The following SCMH1 variants were observed in gnomAD, a reference collection of about 807,000 sequenced individuals.
SCMH1 encodes polycomb protein SCMH1.
Under a neutral mutation model 70.8 loss-of-function variants are expected in SCMH1, and 37 were observed. That is an observed-to-expected ratio of 0.52 (90% CI 0.40 to 0.69). SCMH1 has a LOEUF of 0.69. Among genes scored for constraint, SCMH1 ranks in the 30% least tolerant of loss-of-function variants. The pLI is 0.00. For missense variants in SCMH1, 607 were observed against 827.3 expected (o/e 0.73, Z 3.27); for synonymous variants, 292 against 307.4 (o/e 0.95, Z 0.52).
intron 13 of SCMH1, among the ~76,000 whole-genome samples, chr1:41,032,377 T>C (rs1644650124): frequency 6.6e-6 from 1 of 152,116 alleles, no homozygotes; most frequent in Non-Finnish European, 1.5e-5. Flanking sequence ...GCAAAGACCT[T>C]GAGGCAGAAG....
At chr1:41,086,610 T>TA (rs762884119) in intron 8 of SCMH1, among the ~76,000 whole-genome samples, 16 of 151,660 alleles carry the variant, frequency 1.1e-4, no homozygotes, top group Non-Finnish European at 1.6e-4. Flanking sequence ...TTGTATGTAT[T>TA]AAAAAAAACC....
At chr1:41,193,922 G>T (rs1180949752) in intron 1 of SCMH1, among the ~76,000 whole-genome samples, 1 of 152,062 alleles carries the variant, frequency 6.6e-6, no homozygotes, top group Non-Finnish European at 1.5e-5. Flanking sequence ...CTTTTTCATA[G>T]ACTTTTATAT....
intron 1 of SCMH1, among the ~76,000 whole-genome samples, chr1:41,202,027 A>G (rs993071458): frequency 1.3e-5 from 2 of 152,052 alleles, no homozygotes; most frequent in Non-Finnish European, 2.9e-5. Flanking sequence ...ACCAAAGTTT[A>G]TGGTTATTTA....
At chr1:41,066,690 C>T (rs926620259) in intron 10 of SCMH1, among the ~76,000 whole-genome samples, 1 of 152,154 alleles carries the variant, frequency 6.6e-6, no homozygotes, top group African/African-American at 2.4e-5. Context: ...TCAAGTGATC[C>T]TCCCACCTCA....
chr1:41,234,270 T>C (rs1661878677), intron 1 of SCMH1, among the ~76,000 whole-genome samples: 1 of 152,062 alleles, frequency 6.6e-6, no homozygotes, highest in Non-Finnish European at 1.5e-5. Flanking sequence ...CCCTGTTTTT[T>C]TTCTTTCTGC....
intron 1 of SCMH1, among the ~76,000 whole-genome samples, chr1:41,240,404 A>G (rs950781990): frequency 3.3e-5 from 5 of 152,326 alleles, no homozygotes; most frequent in Admixed American, 2.0e-4. Flanking sequence ...TTGGTAAGTA[A>G]GCAACAAAAA....
At chr1:41,172,782 C>G (rs960718858) in intron 2 of SCMH1, among the ~76,000 whole-genome samples, 2 of 152,050 alleles carry the variant, frequency 1.3e-5, no homozygotes, top group Non-Finnish European at 2.9e-5. Context: ...CAAATAAATC[C>G]ATGTATTTAC....
At chr1:41,213,154 T>G (rs1657398605) in intron 1 of SCMH1, among the ~76,000 whole-genome samples, 1 of 152,184 alleles carries the variant, frequency 6.6e-6, no homozygotes, top group Non-Finnish European at 1.5e-5. Flanking sequence ...TACAAATATT[T>G]GAAACATACT....
At chr1:41,087,160 C>A (rs1208674770) in intron 8 of SCMH1, among the ~76,000 whole-genome samples, 6 of 152,022 alleles carry the variant, frequency 3.9e-5, no homozygotes, top group Non-Finnish European at 5.9e-5. Flanking sequence ...GATAGTGGAA[C>A]AATGGATGGC....
chr1:41,107,016 CTTTTT>C (rs879613092), intron 8 of SCMH1, among the ~76,000 whole-genome samples: 3 of 145,246 alleles, frequency 2.1e-5, no homozygotes, highest in African/African-American at 7.6e-5. Context: ...CTTGACCATA[CTTTTT>C]TTTTTTTTTA....
At position 41,160,855 on chromosome 1, in the gene SCMH1, A is replaced by T. The variant is rs1369399267; in HGVS notation, c.106+20T>A. ...TACCAATTCCCCTTATTTAACAGAA[A>T]CACAAGAAAAATAGCTTACCTAGAT... On this transcript the variant is annotated intron_variant, in intron 4 of 14. Coordinates refer to ENST00000337495, the Ensembl canonical transcript of SCMH1. The T allele has an allele frequency of 7.1e-6, 11 of 1,549,106 alleles. No homozygotes were observed. Among genetic ancestry groups the T allele is most frequent in the Non-Finnish European group, 8.7e-6 (10 of 1,145,772 alleles).
intron 4 of SCMH1, among the ~76,000 whole-genome samples, chr1:41,156,953 C>CTTTTT (rs66641047): frequency 2.7e-5 from 3 of 110,826 alleles, no homozygotes; most frequent in Non-Finnish European, 5.3e-5. Flanking sequence ...TATAAGCCAA[C>CTTTTT]TTTTTTTTTT....
intron 10 of SCMH1, among the ~76,000 whole-genome samples, chr1:41,056,843 T>G (rs1650487341): frequency 6.6e-6 from 1 of 152,182 alleles, no homozygotes; most frequent in Non-Finnish European, 1.5e-5. Flanking sequence ...CTCAACCGGA[T>G]TCTCACAGTA....
At chr1:41,203,599 T>C (rs1344386127) in intron 1 of SCMH1, among the ~76,000 whole-genome samples, 1 of 152,236 alleles carries the variant, frequency 6.6e-6, no homozygotes, top group African/African-American at 2.4e-5. Context: ...GACTTGTTCA[T>C]GATGGCCATA....
At chr1:41,063,849 G>A (rs1393878699) in intron 10 of SCMH1, among the ~76,000 whole-genome samples, 1 of 152,176 alleles carries the variant, frequency 6.6e-6, no homozygotes, top group African/African-American at 2.4e-5. Flanking sequence ...AAAAAGGAAA[G>A]TACCAGGCTT....
intron 1 of SCMH1, among the ~76,000 whole-genome samples, chr1:41,189,938 T>G (rs545572781): frequency 1.3e-5 from 2 of 152,232 alleles, no homozygotes; most frequent in African/African-American, 2.4e-5. Flanking sequence ...TTCTGGCTCA[T>G]GCTTCTTGAA....
At chr1:41,104,708 C>G (rs911163859) in intron 8 of SCMH1, among the ~76,000 whole-genome samples, 4 of 152,176 alleles carry the variant, frequency 2.6e-5, no homozygotes, top group African/African-American at 7.2e-5. Context: ...AGTGAACACA[C>G]CTTCTCAGGA....
At position 41,185,246 on chromosome 1, in the gene SCMH1, A is replaced by C. The variant is rs1487301062; in HGVS notation, c.13+875T>G. Among the ~76,000 whole-genome samples, 7 of 152,190 alleles carry C rather than the reference A, an allele frequency of 4.6e-5. No individual in the cohort carries two copies. The East Asian group carries it at 1.3e-3, about 29-fold the overall frequency. On this transcript the variant is annotated intron_variant, in intron 2 of 14. Coordinates refer to ENST00000337495, the Ensembl canonical transcript of SCMH1. ...GTAATAAGGATTAAAAAAAACAACA[A>C]GGCACCCTCTCTTAGTCTAGAAGAC... is the stretch of plus-strand genomic sequence containing the variant.
intron 2 of SCMH1, among the ~76,000 whole-genome samples, chr1:41,162,091 T>A (rs1198838370): frequency 6.6e-6 from 1 of 152,046 alleles, no homozygotes; most frequent in Non-Finnish European, 1.5e-5. Flanking sequence ...CCAGACCTCC[T>A]GCTCCATGGA....
Sources: allele counts gnomAD v4.1 joint callset (sites outside exome capture counted in the v4.1 genomes callset), GRCh38; gene constraint gnomAD v4.1.1; transcripts MANE v1.5; gene names NCBI Gene and HGNC (gene_info 2026-07-23, HGNC 2026-07-21).